IQCH: variants seen among roughly 807,000 people sequenced by gnomAD.
The protein encoded by IQCH is IQ domain-containing protein H.
IQCH carries 98 observed loss-of-function variants against 117.0 expected under a neutral mutation model. The ratio of observed to expected loss-of-function variants is 0.84; its 90% CI spans 0.71 to 0.99. IQCH has a LOEUF of 0.99. Ranked by LOEUF, IQCH falls within the 50% of genes least tolerant of loss-of-function variation. The pLI is 0.00. For synonymous variants in IQCH, 412 were observed against 448.2 expected (o/e 0.92, Z 1.02); for missense variants, 1,102 against 1,243.8 (o/e 0.89, Z 1.72).
intron 4 of IQCH, among the ~76,000 whole-genome samples, chr15:67,322,973 A>G (rs1048876203): frequency 6.6e-6 from 1 of 152,222 alleles, no homozygotes; most frequent in African/African-American, 2.4e-5. Flanking sequence ...GGGTAGGTGT[A>G]TGTAAAATAG....
intron 3 of IQCH, among the ~76,000 whole-genome samples, chr15:67,271,333 G>T (rs1030016709): frequency 2.6e-5 from 4 of 152,088 alleles, no homozygotes; most frequent in Non-Finnish European, 4.4e-5. Flanking sequence ...GAAGATTTTT[G>T]CATCTATATT....
At position 67,279,456 on chromosome 15, in the gene IQCH, T is replaced by C; in HGVS notation, c.331T>C (p.Phe111Leu). 1 of 1,611,534 alleles carries C rather than the reference T, an allele frequency of 6.2e-7. No homozygotes were observed. The highest frequency in any genetic ancestry group is 8.5e-7 in the Non-Finnish European group (1 of 1,178,468). ...TTTCCCTCAGGAATCTGAGGGTACA[T>C]TTTGGCAACCCCAAAGACAGCACAG... is the stretch of plus-strand genomic sequence containing the variant. ...FIFPQESEGT[F>L]WQPQRQHSSS... is the part of the protein sequence containing the mutation. Residue 111 changes from phenylalanine (F) to leucine (L), a missense_variant, in exon 4 of 21, where the codon TTT (phenylalanine) becomes CTT (leucine). Physicochemically the swap from Phe to Leu is conservative, Grantham distance 22 (BLOSUM62 0). Around this residue, in one of 2 missense-constraint regions of IQCH, gnomAD observed 452 missense variants for 449.6 expected, o/e 1.01. Transcript: ENST00000335894.
chr15:67,415,102 G>T (rs573991782), intron 14 of IQCH, among the ~76,000 whole-genome samples: 26 of 152,310 alleles, frequency 1.7e-4, no homozygotes, highest in African/African-American at 6.0e-4. Context: ...GGATTTGGGG[G>T]ACTGTTCAGA....
chr15:67,435,327 G>A (rs541888687), intron 16 of IQCH, among the ~76,000 whole-genome samples: 1 of 152,140 alleles, frequency 6.6e-6, no homozygotes, highest in South Asian at 2.1e-4. Flanking sequence ...TGTAATGCCT[G>A]TAATCTTAGC....
intron 3 of IQCH, among the ~76,000 whole-genome samples, chr15:67,266,435 T>C (rs1965673300): frequency 6.6e-6 from 1 of 152,026 alleles, no homozygotes; most frequent in Non-Finnish European, 1.5e-5. Flanking sequence ...GGCGGGCGGA[T>C]CACGAGGTCA....
intron 10 of IQCH, among the ~76,000 whole-genome samples, chr15:67,382,561 T>C (rs929358196): frequency 2.6e-5 from 4 of 152,214 alleles, no homozygotes; most frequent in African/African-American, 9.6e-5. Flanking sequence ...AGGCCAAAGC[T>C]CTTTGTCCCT....
At chr15:67,305,436 C>T (rs1967249065) in intron 4 of IQCH, among the ~76,000 whole-genome samples, 1 of 152,078 alleles carries the variant, frequency 6.6e-6, no homozygotes, top group Non-Finnish European at 1.5e-5. Context: ...ACAAATACTT[C>T]TATAGCCTAA....
At chr15:67,264,638 A>G (rs1965594213) in intron 3 of IQCH, among the ~76,000 whole-genome samples, 7 of 152,042 alleles carry the variant, frequency 4.6e-5, no homozygotes, top group Admixed American at 4.6e-4. Context: ...TCATTTTGTA[A>G]CCTAATCTCA....
chr15:67,492,847 A>G (rs751413754), intron 19 of IQCH, among the ~76,000 whole-genome samples: 4 of 152,156 alleles, frequency 2.6e-5, no homozygotes, highest in Non-Finnish European at 5.9e-5. Flanking sequence ...AAAGTAGGAG[A>G]TAGAGGAAGA....
intron 1 of IQCH, among the ~76,000 whole-genome samples, chr15:67,260,588 TG>T (rs1265378724): frequency 6.6e-6 from 1 of 152,242 alleles, no homozygotes; most frequent in Non-Finnish European, 1.5e-5. Flanking sequence ...GGAAGTTTTT[TG>T]TTTTCTTTCC....
At chr15:67,325,281 C>A (rs1355068712) in intron 4 of IQCH, among the ~76,000 whole-genome samples, 3 of 151,850 alleles carry the variant, frequency 2.0e-5, no homozygotes, top group African/African-American at 7.3e-5. Flanking sequence ...CATTTAATTT[C>A]TCTGCCAAGA....
In IQCH at chr15:67,482,000, G is replaced by C. The variant is rs539074380; in HGVS notation, c.2799+6182G>C. 1.3e-5 allele frequency among the ~76,000 whole-genome samples: 2 copies of C among 152,194 alleles called. No individual in the cohort carries two copies. Among genetic ancestry groups the C allele is most frequent in the Non-Finnish European group, 2.9e-5 (2 of 68,034 alleles). Reference sequence around the variant, plus strand: ...CTCACGAGGTTGAGGCAGGAGGACCGCTCACTTGAGGCCAGGAGTTCAAGA... The same window carrying C: ...CTCACGAGGTTGAGGCAGGAGGACCCCTCACTTGAGGCCAGGAGTTCAAGA... On this transcript the variant is annotated intron_variant, in intron 18 of 20. Transcript: ENST00000335894. This position sits in a 1 kb window ranked among gnomAD's most constrained non-coding sequence, Gnocchi z 4.1.
chr15:67,311,885 A>T (rs1014937801), intron 4 of IQCH, among the ~76,000 whole-genome samples: 3 of 152,108 alleles, frequency 2.0e-5, no homozygotes, highest in Non-Finnish European at 2.9e-5. Context: ...GTTAGGCTCT[A>T]TTAAGGGATT....
Position 67,443,214 on chromosome 15 carries a change from G to A in IQCH, c.2505+21637G>A, listed in dbSNP as rs1468807470. Among the ~76,000 whole-genome samples the A allele has an allele frequency of 2.0e-5, 3 of 152,098 alleles. No individual in the cohort carries two copies. Among genetic ancestry groups the A allele is most frequent in the Non-Finnish European group, 4.4e-5 (3 of 68,032 alleles). On this transcript the variant is annotated intron_variant, in intron 16 of 20. Coordinates refer to ENST00000335894, the MANE Select transcript of IQCH (RefSeq NM_001031715.3). The surrounding 1 kb of genome is among the most constrained non-coding windows in gnomAD (Gnocchi z 5.0). ...TCACCGTGTTAACCAGGATGGTCTC[G>A]ATCTCCTGAACTCGTCATCCACCCG...
chr15:67,456,149 A>ATT lies in IQCH; in HGVS notation c.2506-8970_2506-8969dup, dbSNP rs57180925. On this transcript the variant is annotated intron_variant, in intron 16 of 20. Transcript: ENST00000335894. This position sits in a 1 kb window ranked among gnomAD's most constrained non-coding sequence, Gnocchi z 5.1. ...GCAAGAGTATATTAAAAGATTTGTG[A>ATT]TTTTTTTTTACAAAGGTGAAAAGTA... Among the ~76,000 whole-genome samples, 18,924 of 151,698 alleles carry ATT rather than the reference A, an allele frequency of 0.12. 1,258 individuals carry two copies. The highest frequency in any genetic ancestry group is 0.2 in the East Asian group (1,029 of 5,166).
chr15:67,274,289 A>G (rs1966032104), intron 3 of IQCH, among the ~76,000 whole-genome samples: 1 of 152,132 alleles, frequency 6.6e-6, no homozygotes, highest in African/African-American at 2.4e-5. Flanking sequence ...TCTCTTGAAC[A>G]TCAATAATTT....
chr15:67,465,066 T>G lies in IQCH; in HGVS notation c.2506-61T>G, dbSNP rs1243521487. 1 of 1,549,634 alleles carries G rather than the reference T, an allele frequency of 6.5e-7. No individual in the cohort carries two copies. The highest frequency in any genetic ancestry group is 1.2e-5 in the South Asian group (1 of 85,174). ...GTAGTTTGGTCTGGTTAGGCAGAGGTGGGGCCTTCGCTGCTGTTTGCTGAT... is the reference window on the plus strand; with the variant it reads ...GTAGTTTGGTCTGGTTAGGCAGAGGGGGGGCCTTCGCTGCTGTTTGCTGAT... On this transcript the variant is annotated intron_variant, in intron 16 of 20. Transcript: ENST00000335894. The surrounding 1 kb of genome is among the most constrained non-coding windows in gnomAD (Gnocchi z 5.9).
intron 16 of IQCH, among the ~76,000 whole-genome samples, chr15:67,462,635 C>T (rs1295861100): frequency 6.6e-6 from 1 of 151,716 alleles, no homozygotes; most frequent in Non-Finnish European, 1.5e-5. Context: ...TCTCTGACTC[C>T]GTGGTTCTCA....
chr15:67,436,943 C>A lies in IQCH; in HGVS notation c.2505+15366C>A, dbSNP rs1470148069. Among the ~76,000 whole-genome samples the A allele has an allele frequency of 1.3e-5, 2 of 152,016 alleles. No individual in the cohort carries two copies. The highest frequency in any genetic ancestry group is 4.8e-5 in the African/African-American group (2 of 41,396). ...GCTCAGACACGCGTAGCCCCACCCC[C>A]ACCTGATGGTCCTTCCCTATCCACC... On this transcript the variant is annotated intron_variant, in intron 16 of 20. Transcript: ENST00000335894. This position sits in a 1 kb window ranked among gnomAD's most constrained non-coding sequence, Gnocchi z 5.1.
Sources: allele counts gnomAD v4.1 joint callset (sites outside exome capture counted in the v4.1 genomes callset), GRCh38; gene constraint gnomAD v4.1.1; regional missense constraint gnomAD v4.1.1; non-coding constraint Gnocchi (gnomAD v3.1); transcripts MANE v1.5; gene names NCBI Gene and HGNC (gene_info 2026-07-23, HGNC 2026-07-21).